Variants in NPFFR2 observed in about 807,000 individuals in gnomAD.
NPFFR2 encodes the protein G-protein coupled receptor 74.
A neutral mutation model predicts 13.1 loss-of-function variants in NPFFR2; 15 were observed. That is an observed-to-expected ratio of 1.15 (90% CI 0.77 to 1.76). The LOEUF is 1.76. Among genes scored for constraint, NPFFR2 ranks in the 40% most tolerant of loss-of-function variants. NPFFR2 has a pLI of 0.00. For missense variants in NPFFR2, 572 were observed against 503.5 expected (o/e 1.14, Z -1.30); for synonymous variants, 190 against 175.7 (o/e 1.08, Z -0.65).
chr4:72,142,581 C>T (rs1359111809), intron 3 of NPFFR2, among the ~76,000 whole-genome samples: 3 of 152,112 alleles, frequency 2.0e-5, no homozygotes, highest in Non-Finnish European at 2.9e-5. Flanking sequence ...CTGAGAATAT[C>T]TACCTCTTTA....
At chr4:72,069,054 GAA>G (rs1172492683) in intron 1 of NPFFR2, 1 of 778,252 alleles carries the variant, frequency 1.3e-6, no homozygotes, top group Non-Finnish European at 1.9e-6. Flanking sequence ...TTGATCTTTT[GAA>G]AAAGAGATAA....
intron 1 of NPFFR2, among the ~76,000 whole-genome samples, chr4:72,035,026 C>A (rs567309017): frequency 2.0e-5 from 3 of 152,320 alleles, no homozygotes; most frequent in African/African-American, 7.2e-5. Flanking sequence ...ATTCCTCAAA[C>A]GTAAAAGGAT....
intron 3 of NPFFR2, among the ~76,000 whole-genome samples, chr4:72,139,352 G>T (rs551226877): frequency 6.6e-6 from 1 of 152,078 alleles, no homozygotes; most frequent in Non-Finnish European, 1.5e-5. Flanking sequence ...GTCCTGAATG[G>T]TATTGCTTAG....
chr4:72,080,985 T>G (rs1720601280), intron 1 of NPFFR2, among the ~76,000 whole-genome samples: 2 of 152,172 alleles, frequency 1.3e-5, no homozygotes, highest in Admixed American at 1.3e-4. Context: ...ACAACCTCCC[T>G]TATACAGTCC....
At chr4:72,101,652 A>G (rs1425871074) in intron 1 of NPFFR2, among the ~76,000 whole-genome samples, 1 of 152,052 alleles carries the variant, frequency 6.6e-6, no homozygotes, top group Non-Finnish European at 1.5e-5. Context: ...GAGTTCAGAG[A>G]AGGCCAGAAG....
Position 72,081,890 on chromosome 4 carries a change from A to C in NPFFR2, c.-7-46695A>C, listed in dbSNP as rs376845712. Among the ~76,000 whole-genome samples the C allele has an allele frequency of 1.5e-4, 23 of 152,288 alleles. No homozygotes were observed. In the South Asian group the frequency reaches 4.4e-3, roughly 29 times the overall value. On this transcript the variant is annotated intron_variant, in intron 1 of 3. Transcript: ENST00000308744. ...CAATTGGAGAGGGAATTTCCTTGAAAAACATTTTGTTGAACAGCTGTGGCA... is the reference window on the plus strand; with the variant it reads ...CAATTGGAGAGGGAATTTCCTTGAACAACATTTTGTTGAACAGCTGTGGCA...
intron 1 of NPFFR2, among the ~76,000 whole-genome samples, chr4:72,064,876 G>A (rs1720021761): frequency 6.6e-6 from 1 of 152,168 alleles, no homozygotes; most frequent in Admixed American, 6.5e-5. Flanking sequence ...TCTAGGAAAA[G>A]AAGAGCTTCG....
intron 1 of NPFFR2, among the ~76,000 whole-genome samples, chr4:72,105,451 T>C (rs1560412713): frequency 6.6e-6 from 1 of 151,984 alleles, no homozygotes; most frequent in Non-Finnish European, 1.5e-5. Context: ...GAGAAAATTA[T>C]CAGTATTTGT....
At chr4:72,109,165 T>A (rs1369711979) in intron 1 of NPFFR2, among the ~76,000 whole-genome samples, 1 of 151,980 alleles carries the variant, frequency 6.6e-6, no homozygotes, top group Non-Finnish European at 1.5e-5. Flanking sequence ...AGAAAAGAAG[T>A]CCAAGGATTT....
chr4:72,071,231 C>T (rs1033160244), intron 1 of NPFFR2, among the ~76,000 whole-genome samples: 2 of 152,056 alleles, frequency 1.3e-5, no homozygotes, highest in Admixed American at 1.3e-4. Context: ...GCATGAATAT[C>T]GTAAATGTCA....
At chr4:72,129,230 G>A (rs1415497663) in intron 2 of NPFFR2, among the ~76,000 whole-genome samples, 2 of 152,012 alleles carry the variant, frequency 1.3e-5, no homozygotes, top group African/African-American at 4.8e-5. Context: ...TATGTGTAGG[G>A]GTGGGTTGCC....
intron 1 of NPFFR2, among the ~76,000 whole-genome samples, chr4:72,117,440 A>G (rs1721745407): frequency 1.3e-5 from 2 of 152,190 alleles, no homozygotes; most frequent in South Asian, 4.1e-4. Flanking sequence ...CTCATGGTGT[A>G]AATATATCAA....
intron 1 of NPFFR2, among the ~76,000 whole-genome samples, chr4:72,117,498 TG>T (rs1351814158): frequency 2.6e-5 from 4 of 152,194 alleles, no homozygotes; most frequent in African/African-American, 9.7e-5. Context: ...AATGTGCCTT[TG>T]GGCAGAGATG....
chr4:72,136,632 C>T (rs1013370846), intron 2 of NPFFR2, among the ~76,000 whole-genome samples: 2 of 151,968 alleles, frequency 1.3e-5, no homozygotes, highest in Non-Finnish European at 2.9e-5. Flanking sequence ...AACATACTGC[C>T]GTAGGAATGT....
chr4:72,048,523 G>A (rs368054227), intron 1 of NPFFR2, among the ~76,000 whole-genome samples: 41 of 152,158 alleles, frequency 2.7e-4, no homozygotes, highest in African/African-American at 9.4e-4. Context: ...GATCTCCTGT[G>A]TGGGAATGAA....
chr4:72,088,750 C>T (rs905297366), intron 1 of NPFFR2, among the ~76,000 whole-genome samples: 1 of 151,952 alleles, frequency 6.6e-6, no homozygotes, highest in African/African-American at 2.4e-5. Flanking sequence ...CACTCATTAT[C>T]ACAAGAACAG....
intron 1 of NPFFR2, among the ~76,000 whole-genome samples, chr4:72,071,543 G>A (rs757506857): frequency 1.6e-4 from 24 of 152,134 alleles, no homozygotes; most frequent in Non-Finnish European, 3.1e-4. Flanking sequence ...TTGAAGGCTT[G>A]CAGTTGAAGA....
chr4:72,143,735 A>G (rs1332070205), intron 3 of NPFFR2, among the ~76,000 whole-genome samples: 2 of 152,140 alleles, frequency 1.3e-5, no homozygotes, highest in Non-Finnish European at 2.9e-5. Context: ...CTTACATCCA[A>G]CTGCCAGTAT....
Position 72,147,849 on chromosome 4 carries a change from TTATA to T in NPFFR2, c.*41_*44del. Reference sequence around the variant, plus strand: ...GTGATAATCCTAACTCTACTACGCATTATATATTTAAATCCATTGCTTTTTGTGG... The same window carrying T: ...GTGATAATCCTAACTCTACTACGCATTATTTAAATCCATTGCTTTTTGTGG... On this transcript the variant is annotated 3_prime_UTR_variant, in exon 4 of 4. Transcript: ENST00000308744. The T allele has an allele frequency of 7.2e-7, 1 of 1,380,816 alleles. No individual in the cohort carries two copies. Among genetic ancestry groups the T allele is most frequent in the Non-Finnish European group, 9.8e-7 (1 of 1,021,890 alleles). 85.5% of individuals were successfully genotyped at this position (1,380,816 alleles called of 1,614,324 possible).
Sources: allele counts gnomAD v4.1 joint callset (sites outside exome capture counted in the v4.1 genomes callset), GRCh38; gene constraint gnomAD v4.1.1; transcripts MANE v1.5; gene names NCBI Gene and HGNC (gene_info 2026-07-23, HGNC 2026-07-21).